PALS1: variants seen among roughly 807,000 people sequenced by gnomAD.
PALS1 encodes the protein protein PALS1.
In PALS1, 31 loss-of-function variants were observed where a neutral mutation model predicts 78.9. The ratio of observed to expected loss-of-function variants is 0.39; its 90% CI spans 0.30 to 0.53. The LOEUF (loss-of-function observed/expected upper bound fraction) is 0.53, where lower values mean the gene tolerates loss of function less well. PALS1 is among the 20% of genes least tolerant of loss of function. The pLI, the probability that PALS1 is intolerant of heterozygous loss-of-function variation, is 0.67. For synonymous variants in PALS1, 276 were observed against 270.9 expected, an observed-to-expected ratio of 1.02 and a Z score of -0.18; for missense variants, 704 against 826.5, an observed-to-expected ratio of 0.85 and a Z score of 1.82.
rs767448533 is a variant in PALS1, at chr14:67,321,116, C to T, written c.1597C>T (p.Arg533Trp). The change falls in exon 13 of 15, where the codon CGG (arginine) becomes TGG (tryptophan). Residue 533 changes from arginine to tryptophan, a missense_variant. Arg to Trp is a moderately radical substitution (Grantham distance 101, BLOSUM62 -3). Transcript: ENST00000261681. ...CGGTAGAGATTACCACTTTGTTTCG[C>T]GGCAAGCATTCGAGGCAGACATAGC... ...VAGRDYHFVS[R>W]QAFEADIAAG... 21 of 1,613,970 alleles carry T rather than the reference C, an allele frequency of 1.3e-5. No individual in the cohort carries two copies. Among genetic ancestry groups the T allele is most frequent in the East Asian group, 2.2e-5 (1 of 44,888 alleles).
intron 1 of PALS1, among the ~76,000 whole-genome samples, chr14:67,245,985 A>G (rs1036756257): frequency 3.3e-5 from 5 of 152,144 alleles, no homozygotes; most frequent in East Asian, 3.9e-4. Context: ...GTCCAGTTCC[A>G]TGACCATTTG....
At chr14:67,278,957 G>T in intron 2 of PALS1, 61 bp from the exon 3 acceptor site, 2 of 434,980 alleles carry the variant, frequency 4.6e-6, no homozygotes, top group East Asian at 3.9e-5. Flanking sequence ...AGTGGGCTCT[G>T]TAAAAACCTG....
intron 8 of PALS1, among the ~76,000 whole-genome samples, chr14:67,309,851 A>G (rs1450527097): frequency 6.6e-6 from 1 of 152,110 alleles, no homozygotes; most frequent in African/African-American, 2.4e-5. Flanking sequence ...AAAACAACAT[A>G]CTGGGTAGGC....
chr14:67,252,622 A>G (rs905338369), intron 1 of PALS1, among the ~76,000 whole-genome samples: 7 of 152,180 alleles, frequency 4.6e-5, no homozygotes, highest in African/African-American at 1.4e-4. Flanking sequence ...CCAGGTAGAT[A>G]GTGTCAGAAT....
chr14:67,283,363 A>C (rs1275683109), intron 3 of PALS1, among the ~76,000 whole-genome samples: 1 of 152,184 alleles, frequency 6.6e-6, no homozygotes, highest in Non-Finnish European at 1.5e-5. Flanking sequence ...CTGGCATTTA[A>C]CTGACTTTTG....
chr14:67,317,332 T>TA, intron 10 of PALS1, 76 bp from the exon 11 acceptor site: 1 of 1,258,992 alleles, frequency 7.9e-7, no homozygotes, highest in South Asian at 1.4e-5. Flanking sequence ...AATGAATAAA[T>TA]AGAGTTCTTC....
chr14:67,320,191 A>G (rs761464644), intron 11 of PALS1, 39 bp from the exon 12 acceptor site: 1 of 1,588,318 alleles, frequency 6.3e-7, no homozygotes, highest in East Asian at 2.2e-5. Context: ...ATACATGGCC[A>G]TAATTTTGTT....
intron 1 of PALS1, among the ~76,000 whole-genome samples, chr14:67,257,883 T>C (rs1423499754): frequency 1.3e-5 from 2 of 152,160 alleles, no homozygotes; most frequent in African/African-American, 2.4e-5. Flanking sequence ...GTACAACACA[T>C]ATGCAACACA....
In PALS1 at chr14:67,332,760, T is replaced by A; in HGVS notation, c.1852-20T>A. Reference sequence around the variant, plus strand: ...GGTTAGGAAAGGAATTATCTCACAGTTTTTATCTTCTGTTTGCAGCCTGAA... The same window carrying A: ...GGTTAGGAAAGGAATTATCTCACAGATTTTATCTTCTGTTTGCAGCCTGAA... On this transcript the variant is annotated intron_variant, in intron 14 of 14. Coordinates refer to ENST00000261681, the MANE Select transcript of PALS1 (RefSeq NM_022474.4). 3 of 1,594,848 alleles carry A rather than the reference T, an allele frequency of 1.9e-6. No homozygotes were observed. Among genetic ancestry groups the A allele is most frequent in the Non-Finnish European group, 2.6e-6 (3 of 1,167,118 alleles).
chr14:67,323,861 C>A, intron 14 of PALS1, 49 bp downstream of exon 14: 1 of 938,520 alleles, frequency 1.1e-6, no homozygotes, highest in Non-Finnish European at 1.6e-6. Flanking sequence ...AAACATGAAA[C>A]AGTCCTGGTC....
chr14:67,266,820 C>T (rs976935742), intron 1 of PALS1, among the ~76,000 whole-genome samples: 8 of 152,056 alleles, frequency 5.3e-5, no homozygotes, highest in Non-Finnish European at 1.5e-5. Context: ...AAAAAAACTT[C>T]GTTTCTTGGC....
Position 67,322,459 on chromosome 14 carries a change from T to G in PALS1, c.1740+1200T>G, listed in dbSNP as rs556566969. ...GACCATACAGCTTTAGCATACGACT[T>G]TCCTTAATGTGGTAGAATCTGCTGC... On this transcript the variant is annotated intron_variant, in intron 13 of 14. Transcript: ENST00000261681. Among the ~76,000 whole-genome samples the G allele has an allele frequency of 5.9e-5, 9 of 152,330 alleles. No individual in the cohort carries two copies. The South Asian group carries it at 1.9e-3, about 32-fold the overall frequency.
chr14:67,251,750 G>A (rs1337886090), intron 1 of PALS1, among the ~76,000 whole-genome samples: 1 of 152,176 alleles, frequency 6.6e-6, no homozygotes, highest in African/African-American at 2.4e-5. Flanking sequence ...AGCATAGAGA[G>A]TCTTTTGTTT....
chr14:67,287,516 A>G (rs1595586966), intron 3 of PALS1, among the ~76,000 whole-genome samples: 2 of 152,208 alleles, frequency 1.3e-5, no homozygotes, highest in East Asian at 3.9e-4. Flanking sequence ...AATATGTTCT[A>G]TCATACCAGA....
chr14:67,284,601 A>G (rs2084656527), intron 3 of PALS1, among the ~76,000 whole-genome samples: 1 of 144,388 alleles, frequency 6.9e-6, no homozygotes, highest in Non-Finnish European at 1.5e-5. Flanking sequence ...TTGTGCAATC[A>G]TCACTACTAT....
chr14:67,259,717 C>T (rs1391063549), intron 1 of PALS1, among the ~76,000 whole-genome samples: 1 of 151,874 alleles, frequency 6.6e-6, no homozygotes, highest in Non-Finnish European at 1.5e-5. Flanking sequence ...TAAGACCAGC[C>T]TGGGCAACAT....
chr14:67,304,549 ATATATTGGTTCATT>A (rs2084974244), intron 8 of PALS1, among the ~76,000 whole-genome samples: 1 of 152,244 alleles, frequency 6.6e-6, no homozygotes, highest in Admixed American at 6.5e-5. Context: ...ACAAAAGGCC[ATATATTGGTTCATT>A]TATATAAAAT....
rs142770674 is a variant in PALS1, at chr14:67,251,461, A to C, written c.-237+9928A>C. 7.5e-4 allele frequency among the ~76,000 whole-genome samples: 114 copies of C among 152,264 alleles called. 1 individual carries two copies. In the East Asian group the frequency reaches 0.021, roughly 28 times the overall value. ...AGTGAGAGGATTTCTTGAGTGTGGG[A>C]GGTTGAGGCTGCAGTGAACCATGAT... is the stretch of plus-strand genomic sequence containing the variant. On this transcript the variant is annotated intron_variant, in intron 1 of 14. Coordinates refer to ENST00000261681, the MANE Select transcript of PALS1 (RefSeq NM_022474.4).
intron 2 of PALS1, among the ~76,000 whole-genome samples, chr14:67,276,398 G>A (rs990563673): frequency 6.6e-6 from 1 of 152,050 alleles, no homozygotes; most frequent in Non-Finnish European, 1.5e-5. Flanking sequence ...TCTACTATCT[G>A]GCTAATTTTT....
Sources: gnomAD v4.1 joint callset for allele counts (sites outside exome capture counted in the v4.1 genomes callset) on GRCh38, gnomAD v4.1.1 for gene constraint, MANE v1.5 for transcripts, NCBI Gene and HGNC (gene_info 2026-07-23, HGNC 2026-07-21) for gene names.